RALYL: variants seen among roughly 807,000 people sequenced by gnomAD.
RALYL encodes the protein RALY RNA binding protein like.
Under a neutral mutation model 35.1 loss-of-function variants are expected in RALYL, and 29 were observed. The ratio of observed to expected loss-of-function variants is 0.83; its 90% CI spans 0.61 to 1.13. The LOEUF (loss-of-function observed/expected upper bound fraction) is 1.13. Ranked by LOEUF, RALYL falls within the 50% of genes most tolerant of loss-of-function variation. The pLI is 0.00. For missense variants in RALYL, 359 were observed against 360.4 expected (o/e 1.00, Z 0.03); for synonymous variants, 120 against 127.6 (o/e 0.94, Z 0.40).
At chr8:84,709,664 G>A (rs1180104176) in intron 2 of RALYL, among the ~76,000 whole-genome samples, 1 of 151,642 alleles carries the variant, frequency 6.6e-6, no homozygotes, top group African/African-American at 2.4e-5. Flanking sequence ...GAACTAGAAA[G>A]TGAGTACAAG....
At position 84,645,009 on chromosome 8, in the gene RALYL, C is replaced by T. The variant is rs139240336; in HGVS notation, c.256+115432C>T. Among the ~76,000 whole-genome samples the T allele has an allele frequency of 8.7e-3, 1,319 of 152,102 alleles. 18 individuals carry two copies. Among genetic ancestry groups the T allele is most frequent in the Middle Eastern group, 0.027 (8 of 294 alleles). On this transcript the variant is annotated intron_variant, in intron 2 of 8. Coordinates refer to ENST00000521268, the MANE Select transcript of RALYL (RefSeq NM_173848.7). ...AAGTGATCCACATCCCTCAGCCTCC[C>T]AAAATGCTAGGATTACAGGCATAAG...
chr8:84,428,104 TCTCACACACACACACACACA>T (rs1192456638), intron 1 of RALYL, among the ~76,000 whole-genome samples: 1 of 131,758 alleles, frequency 7.6e-6, no homozygotes, highest in African/African-American at 3.0e-5. Flanking sequence ...TCTCTCTCTC[TCTCACACACACACACACACA>T]CACACACACA....
intron 3 of RALYL, among the ~76,000 whole-genome samples, chr8:84,781,829 G>A (rs571480933): frequency 2.3e-4 from 35 of 152,228 alleles, no homozygotes; most frequent in African/African-American, 7.7e-4. Context: ...GGTAGTCAAG[G>A]CGAAAACAGG....
At chr8:84,279,698 C>G (rs1323895792) in intron 1 of RALYL, among the ~76,000 whole-genome samples, 1 of 152,076 alleles carries the variant, frequency 6.6e-6, no homozygotes, top group African/African-American at 2.4e-5. Context: ...GCCCTCCCCT[C>G]AATTTTTTGG....
At chr8:84,704,811 TA>T (rs201010471) in intron 2 of RALYL, among the ~76,000 whole-genome samples, 16 of 151,566 alleles carry the variant, frequency 1.1e-4, no homozygotes, top group Admixed American at 2.6e-4. Context: ...ATTATTTAAG[TA>T]AAAAAAAATC....
intron 1 of RALYL, among the ~76,000 whole-genome samples, chr8:84,315,814 G>T (rs1456521340): frequency 1.4e-5 from 2 of 144,200 alleles, no homozygotes; most frequent in Non-Finnish European, 3.0e-5. Context: ...CTATCCCACT[G>T]CCTGAAAAAA....
intron 8 of RALYL, among the ~76,000 whole-genome samples, chr8:84,898,380 A>G (rs951099523): frequency 2.0e-5 from 3 of 152,192 alleles, no homozygotes; most frequent in Admixed American, 1.3e-4. Flanking sequence ...ATAAACACCA[A>G]TGACAGGGGC....
chr8:84,256,000 A>G (rs1159714149), intron 1 of RALYL, among the ~76,000 whole-genome samples: 1 of 152,168 alleles, frequency 6.6e-6, no homozygotes, highest in Non-Finnish European at 1.5e-5. Flanking sequence ...TAGACAGAGT[A>G]TCATGAAATA....
intron 1 of RALYL, among the ~76,000 whole-genome samples, chr8:84,401,305 A>G (rs960981958): frequency 1.3e-5 from 2 of 151,862 alleles, no homozygotes; most frequent in Non-Finnish European, 1.5e-5. Flanking sequence ...TCAATGTTTC[A>G]GTGTGGGGAA....
chr8:84,854,375 A>T (rs1209460169), intron 5 of RALYL, among the ~76,000 whole-genome samples: 2 of 151,574 alleles, frequency 1.3e-5, no homozygotes, highest in African/African-American at 4.9e-5. Flanking sequence ...GAAGAAAAAG[A>T]AAAAAAAATA....
rs147708259 is a variant in RALYL, at chr8:84,613,311, AC to A, written c.256+83737del. Among the ~76,000 whole-genome samples the A allele has an allele frequency of 2.6e-5, 4 of 151,618 alleles. No homozygotes were observed. The East Asian group carries it at 7.7e-4, about 29-fold the overall frequency. On this transcript the variant is annotated intron_variant, in intron 2 of 8. Coordinates refer to ENST00000521268, the MANE Select transcript of RALYL (RefSeq NM_173848.7). Reference sequence around the variant, plus strand: ...AAAATATATACTTAAAGAAATAAACACCCTTGAACTTTTTACTGTGTTCTTT... The same window carrying A: ...AAAATATATACTTAAAGAAATAAACACCTTGAACTTTTTACTGTGTTCTTT...
intron 2 of RALYL, among the ~76,000 whole-genome samples, chr8:84,530,024 T>C (rs1374217791): frequency 6.6e-6 from 1 of 152,142 alleles, no homozygotes; most frequent in Non-Finnish European, 1.5e-5. Flanking sequence ...AAAGTAAATT[T>C]TTAGAATGGG....
chr8:84,464,077 T>C (rs2051183068), intron 1 of RALYL, among the ~76,000 whole-genome samples: 1 of 151,796 alleles, frequency 6.6e-6, no homozygotes. Flanking sequence ...AATATATTTT[T>C]AAAGTTTTTA....
intron 2 of RALYL, among the ~76,000 whole-genome samples, chr8:84,622,341 T>G (rs78922393): frequency 6.6e-6 from 1 of 151,518 alleles, no homozygotes. Context: ...TTATTGGTAA[T>G]GTTAAAGAAA....
chr8:84,191,182 TTGTGTGTGTGTGTG>T (rs36011671), intron 1 of RALYL, among the ~76,000 whole-genome samples: 2 of 145,702 alleles, frequency 1.4e-5, no homozygotes, highest in Non-Finnish European at 3.0e-5. Flanking sequence ...GTGTGTGTGA[TTGTGTGTGTGTGTG>T]TGTGTGTGTG....
chr8:84,216,529 CTCA>C (rs1820873894), intron 1 of RALYL, among the ~76,000 whole-genome samples: 1 of 152,122 alleles, frequency 6.6e-6, no homozygotes, highest in Admixed American at 6.6e-5. Context: ...TATTCATCAT[CTCA>C]CATAGTTTCT....
At chr8:84,857,036 GAAAAAAA>G (rs36119108) in intron 5 of RALYL, among the ~76,000 whole-genome samples, 81 of 91,830 alleles carry the variant, frequency 8.8e-4, no homozygotes, top group Middle Eastern at 8.9e-3. Flanking sequence ...CTCCGTCTCA[GAAAAAAA>G]AAAAAAAAAA....
At chr8:84,545,682 A>T (rs544159835) in intron 2 of RALYL, among the ~76,000 whole-genome samples, 6 of 152,106 alleles carry the variant, frequency 3.9e-5, no homozygotes, top group Non-Finnish European at 5.9e-5. Flanking sequence ...TGTTAGCATA[A>T]ATAGAGTATT....
intron 2 of RALYL, among the ~76,000 whole-genome samples, chr8:84,738,201 A>G: frequency 6.6e-6 from 1 of 152,022 alleles, no homozygotes; most frequent in East Asian, 1.9e-4. Context: ...AGGCTGGAGG[A>G]GGAGTGACTG....
Sources: allele counts gnomAD v4.1 joint callset (sites outside exome capture counted in the v4.1 genomes callset), GRCh38; gene constraint gnomAD v4.1.1; transcripts MANE v1.5; gene names NCBI Gene and HGNC (gene_info 2026-07-23, HGNC 2026-07-21).